DDAH1: variants seen among roughly 807,000 people sequenced by gnomAD.
The protein encoded by DDAH1 is dimethylarginine dimethylaminohydrolase 1, also known as N(G),N(G)-dimethylarginine dimethylaminohydrolase 1.
DDAH1 carries 19 observed loss-of-function variants against 28.8 expected under a neutral mutation model. The observed-to-expected ratio is 0.66, with a 90% CI of 0.46 to 0.97. DDAH1 has a LOEUF of 0.97. DDAH1 is among the 50% of genes least tolerant of loss of function. DDAH1 has a pLI of 0.00. For synonymous variants in DDAH1, 153 were observed against 154.4 expected (o/e 0.99, Z 0.07); for missense variants, 326 against 375.9 (o/e 0.87, Z 1.10).
intron 4 of DDAH1, among the ~76,000 whole-genome samples, chr1:85,331,349 GTAGT>G (rs1426989033): frequency 1.3e-5 from 2 of 151,910 alleles, no homozygotes; most frequent in African/African-American, 4.8e-5. Flanking sequence ...TATATAAAAG[GTAGT>G]TAGAGATGTT....
At chr1:85,339,955 G>A (rs1570397170) in intron 4 of DDAH1, among the ~76,000 whole-genome samples, 1 of 152,140 alleles carries the variant, frequency 6.6e-6, no homozygotes, top group East Asian at 1.9e-4. Context: ...CTCAGCCCAT[G>A]AGACAGAAAT....
At chr1:85,500,152 T>C (rs918255284) in intron 1 of DDAH1, among the ~76,000 whole-genome samples, 1 of 60,018 alleles carries the variant, frequency 1.7e-5, no homozygotes, top group Non-Finnish European at 4.9e-5. Context: ...CTTTCTTTTC[T>C]TTCTTTCTTT....
chr1:85,365,163 T>C (rs915947372), intron 1 of DDAH1, among the ~76,000 whole-genome samples: 3 of 152,180 alleles, frequency 2.0e-5, no homozygotes, highest in Non-Finnish European at 4.4e-5. Flanking sequence ...GTAAGTAAAT[T>C]TGATCAAAGT....
intron 1 of DDAH1, among the ~76,000 whole-genome samples, chr1:85,381,718 T>TG (rs1280143546): frequency 2.3e-5 from 3 of 132,426 alleles, no homozygotes; most frequent in African/African-American, 8.0e-5. Context: ...TTGCAGATAC[T>TG]GTTTTTTTTT....
chr1:85,450,830 C>A (rs996782062), intron 1 of DDAH1, among the ~76,000 whole-genome samples: 25 of 152,138 alleles, frequency 1.6e-4, no homozygotes, highest in Admixed American at 1.3e-4. Context: ...TGTAAAGATA[C>A]TTAAAATGTG....
At chr1:85,448,666 T>C (rs901736053) in intron 1 of DDAH1, among the ~76,000 whole-genome samples, 1 of 152,208 alleles carries the variant, frequency 6.6e-6, no homozygotes, top group African/African-American at 2.4e-5. Context: ...TCTGCATCAC[T>C]TCCTTTGTTC....
chr1:85,577,710 T>C (rs956121522), intron 1 of DDAH1, among the ~76,000 whole-genome samples: 5 of 151,996 alleles, frequency 3.3e-5, no homozygotes, highest in Non-Finnish European at 7.4e-5. Context: ...AGTCGCCAGA[T>C]TTACCGTTAT....
At chr1:85,519,624 A>C (rs1657602814) in intron 1 of DDAH1, among the ~76,000 whole-genome samples, 1 of 152,224 alleles carries the variant, frequency 6.6e-6, no homozygotes, top group Non-Finnish European at 1.5e-5. Context: ...ATAAATAAAA[A>C]ATTCTAAGAA....
At chr1:85,331,423 G>GTATGTATATGTA (rs111876317) in intron 4 of DDAH1, among the ~76,000 whole-genome samples, 1,768 of 148,534 alleles carry the variant, frequency 0.012, 44 homozygotes, top group African/African-American at 0.04. Flanking sequence ...ATTCATATAT[G>GTATGTATATGTA]TATATATATA....
At chr1:85,513,147 AC>A (rs1320459386) in intron 1 of DDAH1, among the ~76,000 whole-genome samples, 3 of 152,216 alleles carry the variant, frequency 2.0e-5, no homozygotes, top group Non-Finnish European at 4.4e-5. Context: ...TGGTACCAAA[AC>A]AGATATATAG....
intron 1 of DDAH1, among the ~76,000 whole-genome samples, chr1:85,444,419 A>T (rs1292597785): frequency 2.6e-5 from 4 of 152,184 alleles, no homozygotes; most frequent in Non-Finnish European, 5.9e-5. Context: ...TTGGTTTGCC[A>T]GTATTTTATT....
intron 1 of DDAH1, among the ~76,000 whole-genome samples, chr1:85,515,343 A>G (rs1244999682): frequency 7.2e-6 from 1 of 139,420 alleles, no homozygotes; most frequent in African/African-American, 2.7e-5. Flanking sequence ...ATGAGTCCCT[A>G]AGTTCCCAGT....
At chr1:85,361,395 C>T (rs1221425260) in intron 1 of DDAH1, among the ~76,000 whole-genome samples, 2 of 152,120 alleles carry the variant, frequency 1.3e-5, no homozygotes, top group African/African-American at 4.8e-5. Context: ...AAAAAAATGA[C>T]CAAATAACAC....
intron 1 of DDAH1, among the ~76,000 whole-genome samples, chr1:85,408,695 C>A (rs1413157734): frequency 6.6e-6 from 1 of 152,158 alleles, no homozygotes; most frequent in African/African-American, 2.4e-5. Flanking sequence ...TAGAACAAAA[C>A]AGCATATGGA....
chr1:85,350,383 T>A (rs1348668513), intron 4 of DDAH1, 32 bp downstream of exon 4: 2 of 1,603,272 alleles, frequency 1.2e-6, no homozygotes, highest in Admixed American at 3.5e-5. Flanking sequence ...GCACCCCCAC[T>A]ACATTTAGAA....
At chr1:85,490,043 T>C (rs929469388) in intron 2 of DDAH1, among the ~76,000 whole-genome samples, 2 of 151,976 alleles carry the variant, frequency 1.3e-5, no homozygotes, top group African/African-American at 4.8e-5. Context: ...GGTGGATAAG[T>C]GGAGAAAGAT....
intron 1 of DDAH1, among the ~76,000 whole-genome samples, chr1:85,382,596 A>C (rs1454324035): frequency 6.6e-6 from 1 of 152,204 alleles, no homozygotes; most frequent in Non-Finnish European, 1.5e-5. Context: ...TACTAAACAA[A>C]AGTTTTCAAA....
chr1:85,493,950 G>A (rs1294093806), intron 2 of DDAH1: 1 of 152,190 alleles, frequency 6.6e-6, no homozygotes, highest in Non-Finnish European at 1.5e-5. Context: ...ATAATGAAAT[G>A]CAGAAATCAA....
intron 1 of DDAH1, chr1:85,575,726 T>TA (rs1353387623): frequency 6.6e-6 from 1 of 152,216 alleles, no homozygotes; most frequent in African/African-American, 2.4e-5. Context: ...AGGTAAGAGA[T>TA]AGAGAGTAGG....
Sources: gnomAD v4.1 joint callset for allele counts (sites outside exome capture counted in the v4.1 genomes callset) on GRCh38, gnomAD v4.1.1 for gene constraint, MANE v1.5 for transcripts, NCBI Gene and HGNC (gene_info 2026-07-23, HGNC 2026-07-21) for gene names.